The following KIF21A variants were observed in gnomAD, a reference collection of about 807,000 sequenced individuals.
The protein encoded by KIF21A is kinesin-like protein KIF21A.
KIF21A carries 114 observed loss-of-function variants against 202.9 expected under a neutral mutation model. The ratio of observed to expected loss-of-function variants is 0.56; its 90% CI spans 0.48 to 0.66. The LOEUF (loss-of-function observed/expected upper bound fraction) is 0.66, where lower values mean the gene tolerates loss of function less well. KIF21A is among the 30% of genes least tolerant of loss of function. The pLI, the probability that KIF21A is intolerant of heterozygous loss-of-function variation, is 0.00. For missense variants in KIF21A, 1,677 were observed against 1,994.9 expected (o/e 0.84, Z 3.04); for synonymous variants, 667 against 670.8 (o/e 0.99, Z 0.09).
chr12:39,406,369 G>A (rs1952591662), intron 1 of KIF21A, among the ~76,000 whole-genome samples: 1 of 152,140 alleles, frequency 6.6e-6, no homozygotes, highest in African/African-American at 2.4e-5. Context: ...AAAAGAAGTA[G>A]AATCAACAGA....
At chr12:39,336,784 A>G (rs1468768985) in intron 17 of KIF21A, among the ~76,000 whole-genome samples, 1 of 152,158 alleles carries the variant, frequency 6.6e-6, no homozygotes, top group Non-Finnish European at 1.5e-5. Context: ...TTGCTATCTT[A>G]TATAATACTG....
At position 39,351,800 on chromosome 12, in the gene KIF21A, T is replaced by A; in HGVS notation, c.1650A>T (p.Arg550Ser). The A allele has an allele frequency of 1.3e-6, 2 of 1,582,312 alleles. No homozygotes were observed. The highest frequency in any genetic ancestry group is 1.7e-6 in the Non-Finnish European group (2 of 1,152,304). The change falls in exon 11 of 38, where the codon AGA (arginine) becomes AGT (serine). Residue 550 changes from arginine (R) to serine (S), a missense_variant. By Grantham distance (110) the Arg-to-Ser change is moderately radical. Transcript: ENST00000361418. ...LAKKDLEKLK[R>S]KEKRKKKRLQ... ...ACCTTTTTTTCTTCCTCTTTTCTTTTCTTTTCAACTTCTCTAAATCTTTTT... is the reference window on the plus strand; with the variant it reads ...ACCTTTTTTTCTTCCTCTTTTCTTTACTTTTCAACTTCTCTAAATCTTTTT...
chr12:39,333,601 G>A (rs1435576986), intron 17 of KIF21A, among the ~76,000 whole-genome samples: 1 of 152,086 alleles, frequency 6.6e-6, no homozygotes, highest in Non-Finnish European at 1.5e-5. Flanking sequence ...AATTTTGTTA[G>A]ATATTTTGTT....
chr12:39,358,109 C>T (rs917854753), intron 8 of KIF21A, 69 bp downstream of exon 8: 3 of 1,269,918 alleles, frequency 2.4e-6, no homozygotes, highest in Non-Finnish European at 2.3e-6. Context: ...ATGTGTAAGG[C>T]ATTATTGTGT....
chr12:39,331,890 G>A, intron 21 of KIF21A, 99 bp from the exon 22 acceptor site: 1 of 917,596 alleles, frequency 1.1e-6, no homozygotes, highest in Non-Finnish European at 1.8e-6. Context: ...TATTGGGTTA[G>A]CTAATGAGAT....
intron 31 of KIF21A, among the ~76,000 whole-genome samples, chr12:39,313,675 G>A (rs1200428659): frequency 6.6e-6 from 1 of 151,504 alleles, no homozygotes; most frequent in Non-Finnish European, 1.5e-5. Flanking sequence ...TAAAGAACTG[G>A]ACATTATATT....
At chr12:39,413,109 G>A (rs998301874) in intron 1 of KIF21A, among the ~76,000 whole-genome samples, 1 of 152,042 alleles carries the variant, frequency 6.6e-6, no homozygotes, top group East Asian at 1.9e-4. Flanking sequence ...TTTTAGGAAT[G>A]CCTCCTCTAT....
intron 1 of KIF21A, among the ~76,000 whole-genome samples, chr12:39,423,773 A>T (rs969687732): frequency 6.6e-6 from 1 of 151,948 alleles, no homozygotes; most frequent in Admixed American, 6.6e-5. Flanking sequence ...CACGATGTCA[A>T]GAGATCGAGA....
chr12:39,408,111 A>T (rs1158353443), intron 1 of KIF21A, among the ~76,000 whole-genome samples: 4 of 152,172 alleles, frequency 2.6e-5, no homozygotes, highest in Middle Eastern at 3.4e-3. Flanking sequence ...AAATATAAAA[A>T]GTTTATTAAA....
At chr12:39,306,794 C>A (rs1943518712) in intron 34 of KIF21A, among the ~76,000 whole-genome samples, 1 of 152,130 alleles carries the variant, frequency 6.6e-6, no homozygotes, top group Non-Finnish European at 1.5e-5. Context: ...GCTTAGGTGG[C>A]AAGAGCATTT....
chr12:39,369,856 T>A lies in KIF21A; in HGVS notation c.323A>T (p.Glu108Val). The A allele has an allele frequency of 1.2e-6, 2 of 1,613,474 alleles. No individual in the cohort carries two copies. The highest frequency in any genetic ancestry group is 1.7e-6 in the Non-Finnish European group (2 of 1,179,594). The part of the protein sequence containing the change: ...MGTGFDVNIV[E>V]EELGIISRAV... The stretch of plus-strand genomic sequence containing the variant: ...TCGAGAAATAATACCCAGTTCTTCC[T>A]CAACAATGTTAACATCAAATCCTGT... Residue 108 changes from glutamate (E) to valine (V), a missense_variant, in exon 3 of 38, where the codon GAG becomes GTG. By Grantham distance (121) the Glu-to-Val change is moderately radical. This residue lies in a region of KIF21A where 966 missense variants were observed against 1,180.9 expected (regional missense o/e 0.82). Coordinates refer to ENST00000361418, the MANE Select transcript of KIF21A (RefSeq NM_001173464.2).
chr12:39,345,798 T>G (rs1947839975), intron 12 of KIF21A, among the ~76,000 whole-genome samples: 1 of 151,990 alleles, frequency 6.6e-6, no homozygotes, highest in Non-Finnish European at 1.5e-5. Context: ...TCTGAATCAG[T>G]AAAATGCAAT....
chr12:39,311,214 A>G (rs1177492571), intron 32 of KIF21A, among the ~76,000 whole-genome samples: 2 of 151,988 alleles, frequency 1.3e-5, no homozygotes, highest in African/African-American at 4.8e-5. Flanking sequence ...TTCTGTCACC[A>G]TTGTATTCAC....
chr12:39,330,221 C>G (rs1946392255), intron 24 of KIF21A, 21 bp downstream of exon 24: 1 of 1,605,544 alleles, frequency 6.2e-7, no homozygotes. Flanking sequence ...GTAGGATACA[C>G]AGAAAGCTAA....
At chr12:39,298,039 CT>C (rs1205512001) in intron 37 of KIF21A, among the ~76,000 whole-genome samples, 1 of 151,954 alleles carries the variant, frequency 6.6e-6, no homozygotes, top group Non-Finnish European at 1.5e-5. Context: ...GTTAACCCCC[CT>C]ATTGTAAACA....
chr12:39,434,604 T>G (rs1938423781), intron 1 of KIF21A, among the ~76,000 whole-genome samples: 1 of 152,256 alleles, frequency 6.6e-6, no homozygotes, highest in African/African-American at 2.4e-5. Context: ...AACAGTTTTC[T>G]AACCATGCAA....
intron 1 of KIF21A, among the ~76,000 whole-genome samples, chr12:39,424,600 A>G (rs532394643): frequency 6.6e-6 from 1 of 152,274 alleles, no homozygotes; most frequent in South Asian, 2.1e-4. Context: ...CCCCCAAAAA[A>G]TCAATTTCAC....
chr12:39,296,977 T>C (rs557839756), intron 37 of KIF21A, among the ~76,000 whole-genome samples: 1 of 152,376 alleles, frequency 6.6e-6, no homozygotes, highest in East Asian at 1.9e-4. Context: ...AAGTCTATTA[T>C]AGTAATTCAA....
intron 31 of KIF21A, among the ~76,000 whole-genome samples, chr12:39,314,310 T>C (rs928400010): frequency 6.6e-6 from 1 of 151,822 alleles, no homozygotes; most frequent in Non-Finnish European, 1.5e-5. Context: ...CAGTAATTTG[T>C]AATCTAACAA....
Sources: allele counts gnomAD v4.1 joint callset (sites outside exome capture counted in the v4.1 genomes callset), GRCh38; gene constraint gnomAD v4.1.1; regional missense constraint gnomAD v4.1.1; transcripts MANE v1.5; gene names NCBI Gene and HGNC (gene_info 2026-07-23, HGNC 2026-07-21).